Variants in OXR1 observed in about 807,000 individuals in gnomAD.
The protein encoded by OXR1 is oxidation resistance protein 1.
A neutral mutation model predicts 104.6 loss-of-function variants in OXR1; 41 were observed. That is an observed-to-expected ratio of 0.39 (90% CI 0.31 to 0.51). The LOEUF (loss-of-function observed/expected upper bound fraction) is 0.51. Among genes scored for constraint, OXR1 ranks in the 20% least tolerant of loss-of-function variants. The pLI is 0.77. For missense variants in OXR1, 955 were observed against 1,031.9 expected (o/e 0.93, Z 1.02); for synonymous variants, 348 against 348.4 (o/e 1.00, Z 0.01).
intron 3 of OXR1, chr8:106,657,755 A>G (rs1431616119): frequency 2.0e-6 from 2 of 1,012,324 alleles, no homozygotes; most frequent in Non-Finnish European, 2.5e-6. Context: ...CCACAAGAAA[A>G]ACTTTTCGAA....
At chr8:106,525,832 T>C (rs987790676) in intron 3 of OXR1, among the ~76,000 whole-genome samples, 4 of 152,240 alleles carry the variant, frequency 2.6e-5, no homozygotes, top group Non-Finnish European at 1.5e-5. Context: ...TTTTATCCTA[T>C]CTAAACTAAT....
At position 106,462,840 on chromosome 8, in the gene OXR1, G is replaced by A. The variant is rs1350764370; in HGVS notation, c.24-56103G>A. On this transcript the variant is annotated intron_variant, in intron 2 of 16. Coordinates refer to ENST00000517566, the MANE Select transcript of OXR1 (RefSeq NM_001198533.2). ...AATGATCAACCCACCATATCTTGAG[G>A]AAGGATCAGTGGGGACAATATAGAT... is the stretch of plus-strand genomic sequence containing the variant. Among the ~76,000 whole-genome samples, 3 of 152,016 alleles carry A rather than the reference G, an allele frequency of 2.0e-5. No homozygotes were observed. The East Asian group carries it at 5.8e-4, about 29-fold the overall frequency.
In OXR1 at chr8:106,696,069, C is replaced by T. The variant is rs556358289; in HGVS notation, c.675+3192C>T. ...ACATTTATCTATCATTACAGTATTA[C>T]CAGATTAGTTTCATTGGGCTGAAAA... On this transcript the variant is annotated intron_variant, in intron 7 of 16. Coordinates refer to ENST00000517566, the MANE Select transcript of OXR1 (RefSeq NM_001198533.2). Among the ~76,000 whole-genome samples, 8 of 152,224 alleles carry T rather than the reference C, an allele frequency of 5.3e-5. No individual in the cohort carries two copies. In the South Asian group the frequency reaches 1.7e-3, roughly 32 times the overall value.
At chr8:106,407,038 G>A (rs1818270863) in intron 2 of OXR1, among the ~76,000 whole-genome samples, 1 of 152,148 alleles carries the variant, frequency 6.6e-6, no homozygotes, top group Admixed American at 6.6e-5. Flanking sequence ...TCTACTCAGA[G>A]TTGCTGTTAC....
chr8:106,649,715 GA>G (rs1333789401), intron 3 of OXR1, among the ~76,000 whole-genome samples: 2 of 151,626 alleles, frequency 1.3e-5, no homozygotes, highest in East Asian at 3.9e-4. Flanking sequence ...ATATATACTT[GA>G]GATGGAGTCT....
At chr8:106,691,625 T>C (rs1012423048) in intron 6 of OXR1, among the ~76,000 whole-genome samples, 1 of 147,424 alleles carries the variant, frequency 6.8e-6, no homozygotes, top group African/African-American at 2.5e-5. Context: ...TATACATATA[T>C]ATATATATAT....
chr8:106,543,287 T>G (rs1033159438), intron 3 of OXR1, among the ~76,000 whole-genome samples: 2 of 152,200 alleles, frequency 1.3e-5, no homozygotes, highest in African/African-American at 4.8e-5. Flanking sequence ...ATTCCCCACC[T>G]GAGATGCAGT....
chr8:106,664,081 T>C (rs1826037257), intron 3 of OXR1, among the ~76,000 whole-genome samples: 1 of 152,238 alleles, frequency 6.6e-6, no homozygotes, highest in Non-Finnish European at 1.5e-5. Context: ...CTCAGTGGGC[T>C]CTAGTGGTAA....
chr8:106,463,466 C>A (rs922260561), intron 2 of OXR1, among the ~76,000 whole-genome samples: 1 of 152,038 alleles, frequency 6.6e-6, no homozygotes, highest in Non-Finnish European at 1.5e-5. Context: ...ATGTTAATAA[C>A]ACAAATATAC....
chr8:106,475,628 A>C (rs1821761228), intron 2 of OXR1, among the ~76,000 whole-genome samples: 1 of 151,970 alleles, frequency 6.6e-6, no homozygotes, highest in Admixed American at 6.6e-5. Context: ...TGTTTGCTTT[A>C]GTTTCAGTGC....
chr8:106,719,564 CTCT>C lies in OXR1; in HGVS notation c.1956+5581_1956+5583del, dbSNP rs549708020. On this transcript the variant is annotated intron_variant, in intron 11 of 16. Coordinates refer to ENST00000517566, the MANE Select transcript of OXR1 (RefSeq NM_001198533.2). ...CAAATGCTGCAGTTAGTTAAAATATCTCTTAAGTCTCTCTAAATGTAGGTTCCT... is the reference window on the plus strand; with the variant it reads ...CAAATGCTGCAGTTAGTTAAAATATCTAAGTCTCTCTAAATGTAGGTTCCT... Among the ~76,000 whole-genome samples the C allele has an allele frequency of 1.9e-4, 29 of 152,254 alleles. No homozygotes were observed. In the East Asian group the frequency reaches 3.7e-3, roughly 19 times the overall value.
chr8:106,399,634 C>G (rs1197588458), intron 2 of OXR1, among the ~76,000 whole-genome samples: 1 of 152,074 alleles, frequency 6.6e-6, no homozygotes, highest in Admixed American at 6.6e-5. Flanking sequence ...CCAGAATAAC[C>G]CAGAGTCATA....
At chr8:106,362,702 T>C (rs1485148056) in intron 2 of OXR1, among the ~76,000 whole-genome samples, 2 of 152,122 alleles carry the variant, frequency 1.3e-5, no homozygotes, top group African/African-American at 2.4e-5. Context: ...CTCGTTGAAA[T>C]AGAAACAAAG....
intron 1 of OXR1, among the ~76,000 whole-genome samples, chr8:106,341,769 TTCTCTA>T (rs1392705151): frequency 6.6e-6 from 1 of 152,162 alleles, no homozygotes; most frequent in African/African-American, 2.4e-5. Flanking sequence ...TAAAAAGTGT[TTCTCTA>T]TCTGCATCCA....
intron 2 of OXR1, among the ~76,000 whole-genome samples, chr8:106,484,968 C>G (rs1822360460): frequency 6.6e-6 from 1 of 151,876 alleles, no homozygotes. Flanking sequence ...AACTGTAATA[C>G]AGCCAAACAA....
intron 2 of OXR1, among the ~76,000 whole-genome samples, chr8:106,429,994 C>T (rs957145619): frequency 6.6e-6 from 1 of 152,006 alleles, no homozygotes; most frequent in African/African-American, 2.4e-5. Flanking sequence ...GTTCCCTTAA[C>T]ATGGAAACTA....
At chr8:106,465,037 T>C (rs550730964) in intron 2 of OXR1, among the ~76,000 whole-genome samples, 1 of 151,934 alleles carries the variant, frequency 6.6e-6, no homozygotes, top group Non-Finnish European at 1.5e-5. Context: ...TACCTTAATA[T>C]ATAGAGTATG....
intron 3 of OXR1, among the ~76,000 whole-genome samples, chr8:106,525,442 C>T (rs539980140): frequency 2.4e-4 from 36 of 152,332 alleles, no homozygotes; most frequent in Admixed American, 1.2e-3. Context: ...GTTTACCCCT[C>T]ACCATAAGTA....
At chr8:106,624,226 A>C (rs1272139822) in intron 3 of OXR1, among the ~76,000 whole-genome samples, 1 of 152,186 alleles carries the variant, frequency 6.6e-6, no homozygotes, top group African/African-American at 2.4e-5. Flanking sequence ...TCCTTTGATA[A>C]AAGGGCATAG....
Sources: allele counts gnomAD v4.1 joint callset (sites outside exome capture counted in the v4.1 genomes callset), GRCh38; gene constraint gnomAD v4.1.1; transcripts MANE v1.5; gene names NCBI Gene and HGNC (gene_info 2026-07-23, HGNC 2026-07-21).